EXT1: variants seen among roughly 807,000 people sequenced by gnomAD.
EXT1 encodes exostosin glycosyltransferase 1, also known as exostosin-1.
In EXT1, 20 loss-of-function variants were observed where a neutral mutation model predicts 82.5. The ratio of observed to expected loss-of-function variants is 0.24; its 90% confidence interval spans 0.17 to 0.35. EXT1 has a LOEUF of 0.35. Among genes scored for constraint, EXT1 ranks in the 10% least tolerant of loss-of-function variants. EXT1 has a pLI of 1.00. For missense variants in EXT1, 757 were observed against 936.5 expected (o/e 0.81, Z 2.50); for synonymous variants, 348 against 350.8 (o/e 0.99, Z 0.09).
At chr8:117,977,302 G>T (rs1019263293) in intron 1 of EXT1, among the ~76,000 whole-genome samples, 13 of 150,162 alleles carry the variant, frequency 8.7e-5, no homozygotes, top group Non-Finnish European at 1.5e-5. Flanking sequence ...CAGGAGAATC[G>T]CTTGAACCCA....
At chr8:118,064,096 T>A (rs1816933110) in intron 1 of EXT1, among the ~76,000 whole-genome samples, 1 of 152,196 alleles carries the variant, frequency 6.6e-6, no homozygotes, top group Non-Finnish European at 1.5e-5. Flanking sequence ...ACTCCTGACC[T>A]TAGGTGATCC....
intron 1 of EXT1, among the ~76,000 whole-genome samples, chr8:117,915,370 T>C (rs957595671): frequency 1.3e-5 from 2 of 151,818 alleles, no homozygotes; most frequent in Non-Finnish European, 2.9e-5. Flanking sequence ...TATATATATA[T>C]ACCTGAATAG....
At chr8:117,848,408 C>G (rs1186773388) in intron 1 of EXT1, among the ~76,000 whole-genome samples, 1 of 152,200 alleles carries the variant, frequency 6.6e-6, no homozygotes, top group African/African-American at 2.4e-5. Flanking sequence ...CCTCCTCCTC[C>G]TCCAGCTGGC....
intron 1 of EXT1, among the ~76,000 whole-genome samples, chr8:118,096,672 A>AAGGAAGGAAGGAAGGAAGGG (rs1563654935): frequency 1.1e-5 from 1 of 90,546 alleles, no homozygotes; most frequent in East Asian, 3.0e-4. Context: ...GGAAGGAAGG[A>AAGGAAGGAAGGAAGGAAGGG]AGGGAGGGAG....
At chr8:117,997,486 T>C (rs1228065419) in intron 1 of EXT1, among the ~76,000 whole-genome samples, 1 of 151,866 alleles carries the variant, frequency 6.6e-6, no homozygotes, top group East Asian at 1.9e-4. Flanking sequence ...ACCCCCAAAA[T>C]CATGAATATA....
At chr8:118,074,306 C>T (rs1351963450) in intron 1 of EXT1, among the ~76,000 whole-genome samples, 1 of 152,170 alleles carries the variant, frequency 6.6e-6, no homozygotes, top group Non-Finnish European at 1.5e-5. Context: ...CCCAGACATT[C>T]GCCCCTTTTC....
At chr8:118,066,001 A>G (rs1201271670) in intron 1 of EXT1, among the ~76,000 whole-genome samples, 1 of 152,232 alleles carries the variant, frequency 6.6e-6, no homozygotes, top group African/African-American at 2.4e-5. Context: ...TCCAGTTCCA[A>G]TAAGGTTACT....
intron 1 of EXT1, among the ~76,000 whole-genome samples, chr8:117,896,282 A>C (rs1813334107): frequency 1.3e-5 from 2 of 152,254 alleles, no homozygotes; most frequent in Admixed American, 1.3e-4. Context: ...AATGCAAATC[A>C]TCATCTTTTG....
intron 1 of EXT1, among the ~76,000 whole-genome samples, chr8:118,017,549 C>G (rs1015932535): frequency 1.3e-5 from 2 of 152,132 alleles, no homozygotes; most frequent in African/African-American, 4.8e-5. Flanking sequence ...TGCAGACACT[C>G]TTGCCATTGG....
intron 1 of EXT1, among the ~76,000 whole-genome samples, chr8:118,038,047 A>G (rs1816458594): frequency 6.6e-6 from 1 of 152,016 alleles, no homozygotes; most frequent in Non-Finnish European, 1.5e-5. Flanking sequence ...GGTAGTCTCG[A>G]ACTCCTGACC....
intron 10 of EXT1, among the ~76,000 whole-genome samples, chr8:117,804,472 T>C (rs145567392): frequency 1.3e-5 from 2 of 152,220 alleles, no homozygotes; most frequent in South Asian, 2.1e-4. Context: ...TAAAGACATA[T>C]CTTTCTCATG....
At chr8:118,095,341 TATC>T (rs926399986) in intron 1 of EXT1, among the ~76,000 whole-genome samples, 1 of 152,200 alleles carries the variant, frequency 6.6e-6, no homozygotes, top group African/African-American at 2.4e-5. Context: ...AATTTTAACT[TATC>T]ATAAAATACT....
rs1823214721 is a variant in EXT1, at chr8:117,804,851, C to T, written c.1926G>A (p.Leu642=). 6.2e-7 allele frequency: 1 copy of T among 1,614,018 alleles called. No individual in the cohort carries two copies. The highest frequency in any genetic ancestry group is 1.3e-5 in the African/African-American group (1 of 74,932). The change falls in exon 10 of 11, where the codon CTG becomes CTA. Residue 642 remains leucine, a synonymous_variant. Transcript: ENST00000378204. ...TGGCCAATTGGTCCACCATGTTCTT[C>T]AGGCTGGCTGGCAGGTAATGGGAGT... ...YLYSHYLPAS[L]KNMVDQLANC... is the part of the protein sequence containing the mutation.
Position 117,835,590 on chromosome 8 carries a change from G to A in EXT1, c.1057-39C>T, listed in dbSNP as rs374804403. 1.7e-5 allele frequency: 24 copies of A among 1,443,364 alleles called. 1 individual carries two copies. Among genetic ancestry groups the A allele is most frequent in the South Asian group, 5.7e-5 (5 of 87,732 alleles). The allele number at this position is 1,443,364 out of a possible 1,614,324, so 89.4% of individuals were successfully genotyped here. ...GGGACTTCGTGAATGTGAGGAAAGC[G>A]ACAGCAGAAGCTGTTCCAATCAGAG... On this transcript the variant is annotated intron_variant, in intron 2 of 10. Transcript: ENST00000378204.
intron 1 of EXT1, among the ~76,000 whole-genome samples, chr8:118,093,153 G>A (rs559471266): frequency 3.3e-5 from 5 of 150,994 alleles, no homozygotes; most frequent in African/African-American, 1.2e-4. Flanking sequence ...GAAAACTTTG[G>A]GAAAAGAAAG....
At chr8:117,927,219 A>AC (rs1188374233) in intron 1 of EXT1, among the ~76,000 whole-genome samples, 3 of 152,226 alleles carry the variant, frequency 2.0e-5, no homozygotes, top group South Asian at 2.1e-4. Context: ...AACTAGCAAC[A>AC]AAAATACTGA....
At chr8:117,825,123 C>T (rs981645010) in intron 4 of EXT1, among the ~76,000 whole-genome samples, 2 of 152,124 alleles carry the variant, frequency 1.3e-5, no homozygotes, top group African/African-American at 2.4e-5. Flanking sequence ...CCTTTCTCCC[C>T]GGCCTCCCAA....
At chr8:118,066,842 C>A (rs2129954793) in intron 1 of EXT1, among the ~76,000 whole-genome samples, 1 of 152,256 alleles carries the variant, frequency 6.6e-6, no homozygotes, top group South Asian at 2.1e-4. Context: ...ACCCCCTAAT[C>A]TACATTGTTC....
At chr8:117,896,612 T>C (rs934108724) in intron 1 of EXT1, among the ~76,000 whole-genome samples, 5 of 152,116 alleles carry the variant, frequency 3.3e-5, no homozygotes, top group Admixed American at 1.3e-4. Context: ...TCCATAAGGG[T>C]TTCTGCTTCC....
Sources: allele counts gnomAD v4.1 joint callset (sites outside exome capture counted in the v4.1 genomes callset), GRCh38; gene constraint gnomAD v4.1.1; transcripts MANE v1.5; gene names NCBI Gene and HGNC (gene_info 2026-07-23, HGNC 2026-07-21).